EZR: variants seen among roughly 807,000 people sequenced by gnomAD.
EZR encodes the protein ezrin.
In EZR, 40 loss-of-function variants were observed where a neutral mutation model predicts 74.8. That is an observed-to-expected ratio of 0.53 (90% CI 0.42 to 0.70). The LOEUF is 0.70. EZR is among the 30% of genes least tolerant of loss of function. EZR has a pLI of 0.00. For missense variants in EZR, 678 were observed against 755.8 expected, an observed-to-expected ratio of 0.90 and a Z score of 1.21; for synonymous variants, 341 against 283.3, an observed-to-expected ratio of 1.20 and a Z score of -2.05.
Position 158,766,772 on chromosome 6 carries a change from G to C in EZR, c.*142C>G. The stretch of plus-strand genomic sequence containing the variant: ...GGGCGCCTCCCTGGTTCCCAGCCCA[G>C]AATGTTTCTGTTGGGTAACTGCTTT... On this transcript the variant is annotated 3_prime_UTR_variant, in exon 14 of 14. Coordinates refer to ENST00000367075, the MANE Select transcript of EZR (RefSeq NM_001111077.2). 2.3e-6 allele frequency: 2 copies of C among 868,440 alleles called. No homozygotes were observed. The highest frequency in any genetic ancestry group is 1.6e-5 in the South Asian group (1 of 61,552). 53.8% of individuals were successfully genotyped at this position (868,440 alleles called of 1,614,324 possible). A position where few individuals can be genotyped will look rare whatever the true frequency, so the allele number is the denominator to read the frequency against.
intron 2 of EZR, among the ~76,000 whole-genome samples, chr6:158,790,700 C>T (rs1247653222): frequency 1.3e-5 from 2 of 151,860 alleles, no homozygotes; most frequent in African/African-American, 4.8e-5. Context: ...AAAAACCCAC[C>T]ACCACAACAA....
intron 2 of EZR, among the ~76,000 whole-genome samples, chr6:158,791,323 C>T (rs1221061287): frequency 6.6e-6 from 1 of 152,128 alleles, no homozygotes; most frequent in Non-Finnish European, 1.5e-5. Flanking sequence ...ATATAAAAAC[C>T]TACTTTTCTT....
At chr6:158,785,225 T>C (rs1208621166) in intron 5 of EZR, 84 bp downstream of exon 5, 4 of 1,546,792 alleles carry the variant, frequency 2.6e-6, no homozygotes, top group Non-Finnish European at 3.5e-6. Flanking sequence ...CTTGTGTTTT[T>C]AAACTGTGCT....
rs1426658364 is a variant in EZR, at chr6:158,796,117, ACT to A, written c.13-6748_13-6747del. ...CAATGGAACCAGAGGTCCAATAAAT[ACT>A]CTCTGACCACTAGGAGAAAAGTAAC... On this transcript the variant is annotated intron_variant, in intron 2 of 13. Transcript: ENST00000367075. 3.3e-5 allele frequency among the ~76,000 whole-genome samples: 5 copies of A among 152,080 alleles called. No homozygotes were observed. In the South Asian group the frequency reaches 6.2e-4, roughly 19 times the overall value.
chr6:158,783,894 CAA>C (rs1791495864), intron 6 of EZR, among the ~76,000 whole-genome samples: 1 of 152,232 alleles, frequency 6.6e-6, no homozygotes, highest in African/African-American at 2.4e-5. Context: ...GCCTCACCAC[CAA>C]ACCCCACACT....
chr6:158,769,741 G>C (rs763271509), intron 11 of EZR, 43 bp downstream of exon 11: 1 of 1,605,822 alleles, frequency 6.2e-7, no homozygotes, highest in Non-Finnish European at 8.5e-7. Context: ...CTCAGAAGCA[G>C]CCTCTCTATA....
In EZR at chr6:158,767,364, C is replaced by A. The variant is rs760482714; in HGVS notation, c.1493G>T (p.Gly498Val). ...CTCACTAGACAGCTCCGCGCTGTAG[C>A]CCGTGGGCTCTGCGCCCTCATCCTG... The part of the protein sequence containing the change: ...SLQDEGAEPT[G>V]YSAELSSEGI... Residue 498 changes from glycine to valine, a missense_variant, in exon 13 of 14, where the codon GGC becomes GTC. By Grantham distance (109) the Gly-to-Val change is moderately radical. Around this residue, in one of 3 missense-constraint regions of EZR, gnomAD observed 342 missense variants for 341.2 expected, o/e 1.00. Coordinates refer to ENST00000367075, the MANE Select transcript of EZR (RefSeq NM_001111077.2). The A allele has an allele frequency of 9.9e-6, 16 of 1,614,036 alleles. No homozygotes were observed. The Admixed American group carries it at 2.3e-4, about 24-fold the overall frequency.
chr6:158,811,569 T>C (rs930142483), intron 2 of EZR, among the ~76,000 whole-genome samples: 2 of 152,238 alleles, frequency 1.3e-5, no homozygotes, highest in African/African-American at 4.8e-5. Context: ...TTGTTAGAAA[T>C]CACATTATCA....
Position 158,770,914 on chromosome 6 carries a change from G to A in EZR, c.960-20C>T. The A allele has an allele frequency of 6.2e-7, 1 of 1,614,138 alleles. No individual in the cohort carries two copies. The highest frequency in any genetic ancestry group is 1.6e-4 in the Middle Eastern group (1 of 6,062). On this transcript the variant is annotated intron_variant, in intron 9 of 13. Transcript: ENST00000367075. ...TGTTGCCTGGTGCAGGGAAAAAGAG[G>A]CACAGGGAGATTTAGACTCTGGCAG... is the stretch of plus-strand genomic sequence containing the variant.
intron 2 of EZR, among the ~76,000 whole-genome samples, chr6:158,803,572 TATATATATAC>T (rs1777247701): frequency 1.0e-3 from 9 of 8,734 alleles, no homozygotes; most frequent in South Asian, 3.8e-3. Context: ...TATATATATA[TATATATATAC>T]ATATATATAT....
rs1382587235 is a variant in EZR, at chr6:158,766,328, A to C, written c.*586T>G. 1 of 151,568 alleles carries C rather than the reference A, an allele frequency of 6.6e-6. No individual in the cohort carries two copies. The highest frequency in any genetic ancestry group is 2.4e-5 in the African/African-American group (1 of 41,212). 9.4% of individuals were successfully genotyped at this position (151,568 alleles called of 1,614,324 possible). ...AAAAAAAAAACAAAAAAAAAAATCCAAGTGTCCTCCTCCACCACTCACGCT... is the reference window on the plus strand; with the variant it reads ...AAAAAAAAAACAAAAAAAAAAATCCCAGTGTCCTCCTCCACCACTCACGCT... On this transcript the variant is annotated 3_prime_UTR_variant, in exon 14 of 14. Coordinates refer to ENST00000367075, the MANE Select transcript of EZR (RefSeq NM_001111077.2).
chr6:158,774,701 A>G (rs60087774), intron 8 of EZR, among the ~76,000 whole-genome samples: 2 of 114,756 alleles, frequency 1.7e-5, no homozygotes, highest in Admixed American at 8.2e-5. Context: ...ACACACACAC[A>G]CACACACACA....
At chr6:158,795,774 G>A (rs570700064) in intron 2 of EZR, among the ~76,000 whole-genome samples, 1 of 152,108 alleles carries the variant, frequency 6.6e-6, no homozygotes, top group African/African-American at 2.4e-5. Flanking sequence ...TCAAACACCC[G>A]CAGCCCAGGA....
chr6:158,792,561 C>CACCT (rs1554273911), intron 2 of EZR, among the ~76,000 whole-genome samples: 8 of 151,730 alleles, frequency 5.3e-5, no homozygotes, highest in African/African-American at 9.7e-5. Context: ...CAGTGGCTCA[C>CACCT]GTAATCCCAG....
chr6:158,766,550 TG>T lies in EZR; in HGVS notation c.*363del, dbSNP rs1790856078. ...GAATACAGAACAAGTATGGCACAGA[TG>T]GAAGTCCTGCCACGTTTCCTTTAAT... On this transcript the variant is annotated 3_prime_UTR_variant, in exon 14 of 14. Transcript: ENST00000367075. The T allele has an allele frequency of 9.5e-6, 2 of 211,436 alleles. No homozygotes were observed. Among genetic ancestry groups the T allele is most frequent in the South Asian group, 1.4e-4 (1 of 7,090 alleles). The allele number at this position is 211,436 out of a possible 1,614,324, so 13.1% of individuals were successfully genotyped here.
intron 2 of EZR, among the ~76,000 whole-genome samples, chr6:158,802,634 C>T (rs537950669): frequency 8.5e-5 from 13 of 152,134 alleles, no homozygotes; most frequent in South Asian, 2.1e-4. Flanking sequence ...CGGGTTCAAG[C>T]GATTCTCCTG....
chr6:158,784,059 C>T (rs1216310811), intron 6 of EZR, among the ~76,000 whole-genome samples: 1 of 152,164 alleles, frequency 6.6e-6, no homozygotes, highest in Non-Finnish European at 1.5e-5. Flanking sequence ...ATGTTTGGGC[C>T]AGACAGGAAA....
intron 2 of EZR, among the ~76,000 whole-genome samples, chr6:158,789,840 G>A (rs576945291): frequency 6.6e-6 from 1 of 152,316 alleles, no homozygotes; most frequent in African/African-American, 2.4e-5. Flanking sequence ...GGCTGGTCTT[G>A]AGCTCCTAGG....
chr6:158,774,545 T>C (rs935012324), intron 8 of EZR, among the ~76,000 whole-genome samples: 1 of 151,966 alleles, frequency 6.6e-6, no homozygotes, highest in East Asian at 1.9e-4. Context: ...TTCTTTTGCT[T>C]ACGAGATGGC....
Sources: gnomAD v4.1 joint callset for allele counts (sites outside exome capture counted in the v4.1 genomes callset) on GRCh38, gnomAD v4.1.1 for gene constraint, gnomAD v4.1.1 regional missense constraint, MANE v1.5 for transcripts, NCBI Gene and HGNC (gene_info 2026-07-23, HGNC 2026-07-21) for gene names.